Variants in PRKG1 observed in about 807,000 individuals in gnomAD.
PRKG1 encodes cGMP-dependent protein kinase 1.
A neutral mutation model predicts 88.1 loss-of-function variants in PRKG1; 35 were observed. The observed-to-expected ratio is 0.40, with a 90% confidence interval of 0.30 to 0.53. The LOEUF is 0.53. Among genes scored for constraint, PRKG1 ranks in the 20% least tolerant of loss-of-function variants. The pLI, the probability that PRKG1 is intolerant of heterozygous loss-of-function variation, is 0.59. For missense variants in PRKG1, 540 were observed against 839.8 expected, an observed-to-expected ratio of 0.64 and a Z score of 4.41; for synonymous variants, 303 against 292.5, an observed-to-expected ratio of 1.04 and a Z score of -0.37.
Position 51,907,555 on chromosome 10 carries a change from T to A in PRKG1, c.747T>A (p.Ala249=). 6.2e-7 allele frequency: 1 copy of A among 1,613,736 alleles called. No individual in the cohort carries two copies. Among genetic ancestry groups the A allele is most frequent in the Non-Finnish European group, 8.5e-7 (1 of 1,179,730 alleles). The stretch of plus-strand genomic sequence containing the variant: ...CTGAAGAGATCCTCAGCAAGCTTGC[T>A]GATGTCCTTGAAGAGGTAATTGTTT... ...SLPEEILSKL[A]DVLEETHYEN... Residue 249 remains alanine (A), a synonymous_variant, in exon 5 of 18, where the codon GCT becomes GCA. Transcript: ENST00000373980.
At chr10:51,945,556 G>A (rs940444654) in intron 5 of PRKG1, among the ~76,000 whole-genome samples, 2 of 151,892 alleles carry the variant, frequency 1.3e-5, no homozygotes, top group Non-Finnish European at 2.9e-5. Context: ...AGCCTCGATG[G>A]TCTTTACAAT....
intron 1 of PRKG1, among the ~76,000 whole-genome samples, chr10:51,147,439 G>A (rs1216990464): frequency 6.7e-6 from 1 of 150,172 alleles, no homozygotes. Flanking sequence ...AAAGTAAAAG[G>A]AAAAAAAAAA....
chr10:51,478,454 A>G (rs1215726835), intron 3 of PRKG1, among the ~76,000 whole-genome samples: 1 of 152,076 alleles, frequency 6.6e-6, no homozygotes, highest in Non-Finnish European at 1.5e-5. Context: ...TGATGATTCA[A>G]ACTACTTCTG....
At chr10:52,251,831 C>T in intron 10 of PRKG1, 165 bp downstream of exon 10, 3 of 584,622 alleles carry the variant, frequency 5.1e-6, no homozygotes, top group Non-Finnish European at 8.7e-6. Context: ...CATAATTAGA[C>T]ACAAAGTGGG....
At chr10:52,223,337 CT>C (rs78990273) in intron 9 of PRKG1, among the ~76,000 whole-genome samples, 43,044 of 151,966 alleles carry the variant, frequency 0.28, 6,952 homozygotes, top group East Asian at 0.42. Context: ...CTTACTTGAA[CT>C]ATCTGTAATT....
intron 3 of PRKG1, among the ~76,000 whole-genome samples, chr10:51,567,597 G>GT (rs1837640197): frequency 6.6e-6 from 1 of 151,884 alleles, no homozygotes; most frequent in African/African-American, 2.4e-5. Context: ...AAACCATACT[G>GT]TTTTTTTGAG....
At chr10:51,532,091 T>G (rs1842033516) in intron 3 of PRKG1, among the ~76,000 whole-genome samples, 1 of 152,220 alleles carries the variant, frequency 6.6e-6, no homozygotes, top group African/African-American at 2.4e-5. Flanking sequence ...ACTTTCTTGT[T>G]TGTTTCTTGA....
chr10:51,183,487 A>G (rs1477931504), intron 2 of PRKG1, among the ~76,000 whole-genome samples: 1 of 152,140 alleles, frequency 6.6e-6, no homozygotes, highest in Admixed American at 6.5e-5. Flanking sequence ...GCATATTATA[A>G]TAGCTACCAT....
At chr10:51,574,165 A>G (rs10998259) in intron 3 of PRKG1, among the ~76,000 whole-genome samples, 11,217 of 151,940 alleles carry the variant, frequency 0.074, 1,385 homozygotes, top group African/African-American at 0.25. Flanking sequence ...TATTAAATAG[A>G]TATTTATTTG....
intron 3 of PRKG1, among the ~76,000 whole-genome samples, chr10:51,675,163 A>T (rs768404992): frequency 6.6e-6 from 1 of 152,204 alleles, no homozygotes; most frequent in African/African-American, 2.4e-5. Context: ...CATCAGTCTT[A>T]CTATTAGATA....
At chr10:52,276,004 G>A (rs1423930857) in intron 12 of PRKG1, among the ~76,000 whole-genome samples, 1 of 152,120 alleles carries the variant, frequency 6.6e-6, no homozygotes, top group Non-Finnish European at 1.5e-5. Flanking sequence ...TTGGTGTATA[G>A]AAGAGCTACT....
At chr10:52,073,348 A>G (rs967950530) in intron 7 of PRKG1, among the ~76,000 whole-genome samples, 1 of 152,160 alleles carries the variant, frequency 6.6e-6, no homozygotes, top group Non-Finnish European at 1.5e-5. Flanking sequence ...GGCACAAATC[A>G]ACTCACTACA....
intron 7 of PRKG1, among the ~76,000 whole-genome samples, chr10:52,080,731 TTTA>T (rs1417983407): frequency 6.6e-6 from 1 of 152,226 alleles, no homozygotes; most frequent in Non-Finnish European, 1.5e-5. Flanking sequence ...TTCTCCTTTT[TTTA>T]TTATTCTGTT....
chr10:51,533,362 G>C (rs1282392033), intron 3 of PRKG1, among the ~76,000 whole-genome samples: 1 of 152,200 alleles, frequency 6.6e-6, no homozygotes, highest in Non-Finnish European at 1.5e-5. Flanking sequence ...TGAAGCAAGA[G>C]TCTGAAAAGA....
At chr10:51,545,574 C>T (rs933862579) in intron 3 of PRKG1, among the ~76,000 whole-genome samples, 2 of 152,110 alleles carry the variant, frequency 1.3e-5, no homozygotes, top group African/African-American at 4.8e-5. Context: ...ATAACTTACA[C>T]AGAAGAACAG....
rs1554844521 is a variant in PRKG1 at position 51,817,348 on chromosome 10, C to CA, written c.698+12658_698+12659insA. The stretch of plus-strand genomic sequence containing the variant: ...TTCTCCTAGTGCTATCCCTCCCCAA[C>CA]CCCCCCCCTCCCCTGACAGGCCCTG... On this transcript the variant is annotated intron_variant, in intron 4 of 17. Coordinates refer to ENST00000373980, the MANE Select transcript of PRKG1 (RefSeq NM_006258.4). Among the ~76,000 whole-genome samples, 288 of 36,900 alleles carry CA rather than the reference C, an allele frequency of 7.8e-3. 5 individuals carry two copies. The highest frequency in any genetic ancestry group is 0.074 in the Middle Eastern group (4 of 54). The allele number at this position is 36,900 out of a possible 152,430, so 24.2% of individuals were successfully genotyped here. A position where few individuals can be genotyped will look rare whatever the true frequency, so the allele number is the denominator to read the frequency against.
chr10:51,403,640 TC>T (rs1238724933), intron 2 of PRKG1, among the ~76,000 whole-genome samples: 1 of 152,178 alleles, frequency 6.6e-6, no homozygotes, highest in African/African-American at 2.4e-5. Context: ...AACCCAGGTC[TC>T]CTTTTTAAAT....
chr10:51,620,788 A>G (rs776454697), intron 3 of PRKG1, among the ~76,000 whole-genome samples: 11 of 151,884 alleles, frequency 7.2e-5, no homozygotes, highest in Non-Finnish European at 1.6e-4. Flanking sequence ...GTGAAGCACA[A>G]ATAAATTATG....
intron 5 of PRKG1, among the ~76,000 whole-genome samples, chr10:51,916,112 T>A (rs1160596794): frequency 6.6e-6 from 1 of 152,064 alleles, no homozygotes; most frequent in East Asian, 1.9e-4. Flanking sequence ...AGCAACCCCA[T>A]CTTGAGTAGA....
Sources: gnomAD v4.1 joint callset for allele counts (sites outside exome capture counted in the v4.1 genomes callset) on GRCh38, gnomAD v4.1.1 for gene constraint, MANE v1.5 for transcripts, NCBI Gene and HGNC (gene_info 2026-07-23, HGNC 2026-07-21) for gene names.